Variants in LRMDA observed in about 807,000 individuals in gnomAD.
LRMDA encodes leucine rich melanocyte differentiation associated.
In LRMDA, 18 loss-of-function variants were observed where a neutral mutation model predicts 29.8. The ratio of observed to expected loss-of-function variants is 0.60; its 90% CI spans 0.42 to 0.90. LRMDA has a LOEUF of 0.90. LRMDA is among the 40% of genes least tolerant of loss of function. The probability of loss-of-function intolerance (pLI) is 0.00; values close to 1 mark genes in which losing one functional copy is unlikely to be tolerated. For missense variants in LRMDA, 273 were observed against 273.9 expected (o/e 1.00, Z 0.02); for synonymous variants, 125 against 109.4 (o/e 1.14, Z -0.89).
At chr10:76,410,219 G>C (rs1272244415) in intron 6 of LRMDA, among the ~76,000 whole-genome samples, 1 of 151,362 alleles carries the variant, frequency 6.6e-6, no homozygotes, top group Non-Finnish European at 1.5e-5. Flanking sequence ...GGTGCATGGG[G>C]TAAGATCATG....
intron 2 of LRMDA, among the ~76,000 whole-genome samples, chr10:75,880,606 A>G (rs1845277991): frequency 6.6e-6 from 1 of 152,138 alleles, no homozygotes; most frequent in African/African-American, 2.4e-5. Context: ...AGAGGGTGGG[A>G]TTTTGTAAGT....
At chr10:76,220,692 A>G (rs1851815329) in intron 5 of LRMDA, among the ~76,000 whole-genome samples, 1 of 152,192 alleles carries the variant, frequency 6.6e-6, no homozygotes, top group South Asian at 2.1e-4. Flanking sequence ...TACCAGAGGT[A>G]CAAGGAGGAA....
At chr10:75,850,611 C>A (rs75186283) in intron 2 of LRMDA, among the ~76,000 whole-genome samples, 1 of 152,082 alleles carries the variant, frequency 6.6e-6, no homozygotes, top group Admixed American at 6.6e-5. Flanking sequence ...TAGAAAACAT[C>A]AAAGTCAAAA....
intron 2 of LRMDA, among the ~76,000 whole-genome samples, chr10:75,593,490 A>G (rs1452784261): frequency 1.3e-5 from 2 of 152,250 alleles, no homozygotes; most frequent in Non-Finnish European, 2.9e-5. Flanking sequence ...CAATGCAATA[A>G]CACTTTCTGT....
chr10:76,035,222 A>G (rs1848220500), intron 2 of LRMDA, among the ~76,000 whole-genome samples: 1 of 151,798 alleles, frequency 6.6e-6, no homozygotes, highest in Non-Finnish European at 1.5e-5. Context: ...TCCACTTTCC[A>G]TAAATTAAAA....
chr10:76,143,315 A>G (rs1564664945), intron 5 of LRMDA, among the ~76,000 whole-genome samples: 1 of 152,202 alleles, frequency 6.6e-6, no homozygotes, highest in African/African-American at 2.4e-5. Flanking sequence ...CCAACAGTGT[A>G]AAAGTGTTCC....
intron 6 of LRMDA, among the ~76,000 whole-genome samples, chr10:76,494,265 G>T (rs1842861337): frequency 6.6e-6 from 1 of 151,082 alleles, no homozygotes; most frequent in Non-Finnish European, 1.5e-5. Context: ...TCTGATCGTA[G>T]GTAGAGTTTT....
intron 6 of LRMDA, among the ~76,000 whole-genome samples, chr10:76,447,599 G>T (rs982235619): frequency 5.9e-5 from 9 of 152,150 alleles, no homozygotes; most frequent in Non-Finnish European, 1.2e-4. Flanking sequence ...TAGTGGTATT[G>T]GGGATATTGC....
intron 6 of LRMDA, among the ~76,000 whole-genome samples, chr10:76,370,207 A>G (rs1342479307): frequency 6.6e-6 from 1 of 152,160 alleles, no homozygotes; most frequent in Admixed American, 6.6e-5. Context: ...AGTGTAATCA[A>G]AGAGACCCTC....
chr10:75,795,039 T>C (rs1050085945), intron 2 of LRMDA, among the ~76,000 whole-genome samples: 10 of 151,936 alleles, frequency 6.6e-5, no homozygotes, highest in African/African-American at 2.4e-4. Context: ...TTACCTTGAG[T>C]TTTGGCTTTT....
rs143569445 is a variant in LRMDA at position 76,019,432 on chromosome 10, G to A, written c.132-16576G>A. Among the ~76,000 whole-genome samples the A allele has an allele frequency of 3.9e-5, 6 of 152,180 alleles. No homozygotes were observed. The East Asian group carries it at 9.6e-4, about 24-fold the overall frequency. On this transcript the variant is annotated intron_variant, in intron 2 of 6. Transcript: ENST00000611255. ...CATGGTGGTTCTTATTATCTTTGCT[G>A]CAGTTGACTTATACAGATTTTTGGT... is the stretch of plus-strand genomic sequence containing the variant.
intron 2 of LRMDA, among the ~76,000 whole-genome samples, chr10:75,731,878 A>T (rs1477155369): frequency 6.6e-6 from 1 of 152,218 alleles, no homozygotes; most frequent in Non-Finnish European, 1.5e-5. Flanking sequence ...TTATATTTTC[A>T]TAATGACATT....
At chr10:75,737,065 ACACACACACACACGCACATGCATG>A (rs1275405073) in intron 2 of LRMDA, among the ~76,000 whole-genome samples, 2 of 151,688 alleles carry the variant, frequency 1.3e-5, no homozygotes, top group East Asian at 3.9e-4. Flanking sequence ...ACGCACGCAC[ACACACACACACACGCACATGCATG>A]CACACACACA....
chr10:75,857,391 T>C (rs571073920), intron 2 of LRMDA, among the ~76,000 whole-genome samples: 10 of 152,284 alleles, frequency 6.6e-5, no homozygotes, highest in African/African-American at 2.4e-4. Flanking sequence ...CCACCTGGTG[T>C]GGGTGAGAGA....
intron 6 of LRMDA, among the ~76,000 whole-genome samples, chr10:76,435,325 A>G (rs1457362235): frequency 6.6e-6 from 1 of 152,154 alleles, no homozygotes; most frequent in Non-Finnish European, 1.5e-5. Flanking sequence ...AGTCCTTCCC[A>G]ATGTTCTCAC....
intron 2 of LRMDA, among the ~76,000 whole-genome samples, chr10:75,802,621 T>C (rs1194867164): frequency 6.6e-6 from 1 of 152,176 alleles, no homozygotes; most frequent in Admixed American, 6.5e-5. Flanking sequence ...GTTGTTTTTT[T>C]TTTCTTAGCA....
chr10:75,987,457 A>G (rs1482486826), intron 2 of LRMDA, among the ~76,000 whole-genome samples: 1 of 152,234 alleles, frequency 6.6e-6, no homozygotes, highest in Admixed American at 6.5e-5. Context: ...TCCAGACATA[A>G]GTATCCCTAT....
rs192835714 is a variant in LRMDA at position 75,500,512 on chromosome 10, G to A, written c.131+62018G>A. On this transcript the variant is annotated intron_variant, in intron 2 of 6. Coordinates refer to ENST00000611255, the MANE Select transcript of LRMDA (RefSeq NM_001305581.2). ...TTCAGTTTCTACAACAGGTATTCAA[G>A]TGATATAGTAGATATGCAGTAAATA... is the stretch of plus-strand genomic sequence containing the variant. Among the ~76,000 whole-genome samples the A allele has an allele frequency of 4.6e-5, 7 of 152,300 alleles. No individual in the cohort carries two copies. The East Asian group carries it at 1.3e-3, about 29-fold the overall frequency.
chr10:75,492,447 G>C (rs1844999606), intron 2 of LRMDA, among the ~76,000 whole-genome samples: 1 of 152,136 alleles, frequency 6.6e-6, no homozygotes, highest in South Asian at 2.1e-4. Context: ...TAAATAAATT[G>C]ATTCACATTT....
Sources: gnomAD v4.1 joint callset for allele counts (sites outside exome capture counted in the v4.1 genomes callset) on GRCh38, gnomAD v4.1.1 for gene constraint, MANE v1.5 for transcripts, NCBI Gene and HGNC (gene_info 2026-07-23, HGNC 2026-07-21) for gene names.